The following RGS6 variants were observed in gnomAD, a reference collection of about 807,000 sequenced individuals.
The protein encoded by RGS6 is regulator of G protein signaling 6, also known as regulator of G-protein signaling 6.
RGS6 carries 30 observed loss-of-function variants against 78.5 expected under a neutral mutation model. The ratio of observed to expected loss-of-function variants is 0.38; its 90% confidence interval spans 0.29 to 0.52. RGS6 has a LOEUF of 0.52. Among genes scored for constraint, RGS6 ranks in the 20% least tolerant of loss-of-function variants. The pLI is 0.85. For synonymous variants in RGS6, 206 were observed against 206.0 expected (o/e 1.00, Z 0.00); for missense variants, 495 against 609.7 (o/e 0.81, Z 1.98).
intron 13 of RGS6, among the ~76,000 whole-genome samples, chr14:72,504,702 T>TTCCTCTCCCC (rs1198285222): frequency 6.7e-6 from 1 of 149,270 alleles, no homozygotes; most frequent in African/African-American, 2.6e-5. Context: ...GCAGTTTAGG[T>TTCCTCTCCCC]TCCTCTCCCC....
At chr14:72,429,359 C>T (rs1324893117) in intron 3 of RGS6, among the ~76,000 whole-genome samples, 4 of 152,156 alleles carry the variant, frequency 2.6e-5, no homozygotes, top group Non-Finnish European at 5.9e-5. Flanking sequence ...TTGAGGGCCC[C>T]AGGTATATTC....
intron 3 of RGS6, among the ~76,000 whole-genome samples, chr14:72,439,406 T>A (rs187184180): frequency 9.9e-4 from 151 of 152,360 alleles, no homozygotes; most frequent in African/African-American, 3.4e-3. Flanking sequence ...AGGTGTATTG[T>A]AAGGGTGAAA....
intron 3 of RGS6, among the ~76,000 whole-genome samples, chr14:72,422,594 T>G (rs1030932362): frequency 2.0e-5 from 3 of 152,110 alleles, no homozygotes; most frequent in Non-Finnish European, 4.4e-5. Flanking sequence ...GAGAGCCCTA[T>G]GTACTCAGGA....
chr14:71,910,767 C>T, the RGS6 span, among the ~76,000 whole-genome samples: 2 of 152,012 alleles, frequency 1.3e-5, no homozygotes, highest in Non-Finnish European at 2.9e-5. Context: ...GGAAGATGCC[C>T]AAATTTCCAG....
intron 3 of RGS6, among the ~76,000 whole-genome samples, chr14:72,361,019 T>A (rs2081340844): frequency 6.6e-6 from 1 of 151,990 alleles, no homozygotes; most frequent in Non-Finnish European, 1.5e-5. Context: ...GCTTCCCTTT[T>A]CGCCATGATT....
At chr14:72,086,751 T>C (rs1222922667) in intron 2 of RGS6, among the ~76,000 whole-genome samples, 1 of 152,206 alleles carries the variant, frequency 6.6e-6, no homozygotes, top group South Asian at 2.1e-4. Flanking sequence ...CCCTGAACTC[T>C]CTGAAGCTAA....
chr14:72,544,262 A>G (rs1357636358), intron 17 of RGS6, among the ~76,000 whole-genome samples: 1 of 152,226 alleles, frequency 6.6e-6, no homozygotes, highest in Non-Finnish European at 1.5e-5. Context: ...GAGAAGCTGG[A>G]GAAAGTCCTT....
At chr14:72,200,876 G>C (rs1459716202) in intron 2 of RGS6, among the ~76,000 whole-genome samples, 1 of 147,556 alleles carries the variant, frequency 6.8e-6, no homozygotes, top group Non-Finnish European at 1.5e-5. Context: ...CACGTGCCTA[G>C]GGAAATAGTC....
chr14:72,598,326 G>A, the RGS6 span, among the ~76,000 whole-genome samples: 7 of 152,186 alleles, frequency 4.6e-5, no homozygotes, highest in Admixed American at 4.6e-4. Context: ...TGGGGACTAG[G>A]AAGGGTCCCA....
the RGS6 span, among the ~76,000 whole-genome samples, chr14:72,608,277 G>T: frequency 6.6e-6 from 1 of 152,162 alleles, no homozygotes; most frequent in Non-Finnish European, 1.5e-5. Flanking sequence ...ATTTTTGGGA[G>T]ACTGACTCTT....
intron 2 of RGS6, among the ~76,000 whole-genome samples, chr14:72,239,852 A>G (rs2052283769): frequency 6.6e-6 from 1 of 152,196 alleles, no homozygotes; most frequent in African/African-American, 2.4e-5. Context: ...TAATTAATGA[A>G]CTATCTGTTG....
intron 3 of RGS6, among the ~76,000 whole-genome samples, chr14:72,360,871 A>G (rs2081309571): frequency 1.3e-5 from 2 of 152,060 alleles, no homozygotes; most frequent in Admixed American, 6.6e-5. Flanking sequence ...GTAAGAGGTG[A>G]TTGGATCGTG....
At chr14:72,599,987 G>A in the RGS6 span, among the ~76,000 whole-genome samples, 10 of 152,086 alleles carry the variant, frequency 6.6e-5, no homozygotes, top group Non-Finnish European at 1.0e-4. Flanking sequence ...CCCCTCTGAC[G>A]GCAGGGAGGG....
In RGS6 at chr14:72,160,528, T is replaced by C. The variant is rs546718301; in HGVS notation, c.85-191567T>C. Among the ~76,000 whole-genome samples the C allele has an allele frequency of 1.1e-4, 16 of 152,348 alleles. No individual in the cohort carries two copies. The South Asian group carries it at 3.3e-3, about 32-fold the overall frequency. ...GAATTGTGTTCCCCTAAAATTCCTA[T>C]GTTGAAGTCCTAACCCCCAGTATCT... On this transcript the variant is annotated intron_variant, in intron 2 of 17. Transcript: ENST00000553525.
chr14:72,612,810 C>A, the RGS6 span, among the ~76,000 whole-genome samples: 5 of 152,216 alleles, frequency 3.3e-5, no homozygotes, highest in Non-Finnish European at 5.9e-5. Flanking sequence ...AGAGAGGTCG[C>A]GGAGCCAGTA....
intron 3 of RGS6, among the ~76,000 whole-genome samples, chr14:72,381,465 AAGAC>A (rs1029863745): frequency 1.6e-4 from 25 of 152,124 alleles, no homozygotes; most frequent in African/African-American, 5.8e-4. Flanking sequence ...CTAGAAATAA[AAGAC>A]AGATTGCCTA....
At chr14:72,194,705 A>C (rs1161108516) in intron 2 of RGS6, among the ~76,000 whole-genome samples, 1 of 152,178 alleles carries the variant, frequency 6.6e-6, no homozygotes, top group Non-Finnish European at 1.5e-5. Context: ...AAGGTAAAAA[A>C]ACAATAAGTG....
At position 72,458,352 on chromosome 14, in the gene RGS6, A is replaced by C. The variant is rs968386491; in HGVS notation, c.317A>C (p.Asp106Ala). The change falls in exon 5 of 18, where the codon GAT (aspartate) becomes GCT (alanine). Residue 106 changes from aspartate (D) to alanine (A), a missense_variant. Coordinates refer to ENST00000553525, the MANE Select transcript of RGS6 (RefSeq NM_001204424.2). ...TCAGACCATGTTCTCACCATGAAGGATGATGGCACCTTTTATCGTTTCCAG... is the reference window on the plus strand; with the variant it reads ...TCAGACCATGTTCTCACCATGAAGGCTGATGGCACCTTTTATCGTTTCCAG... Reference protein sequence around the residue: ...PISDHVLTMKDDGTFYRFQAP... With the variant: ...PISDHVLTMKADGTFYRFQAP... 1.9e-6 allele frequency: 3 copies of C among 1,614,000 alleles called. No homozygotes were observed. Among genetic ancestry groups the C allele is most frequent in the African/African-American group, 2.7e-5 (2 of 74,940 alleles).
chr14:72,096,903 T>C (rs2095420660), intron 2 of RGS6, among the ~76,000 whole-genome samples: 1 of 152,208 alleles, frequency 6.6e-6, no homozygotes, highest in Non-Finnish European at 1.5e-5. Flanking sequence ...ACAGTCTCCT[T>C]CCTTCTCTTC....
Sources: gnomAD v4.1 joint callset for allele counts (sites outside exome capture counted in the v4.1 genomes callset) on GRCh38, gnomAD v4.1.1 for gene constraint, MANE v1.5 for transcripts, NCBI Gene and HGNC (gene_info 2026-07-23, HGNC 2026-07-21) for gene names.